The following LRRC7 variants were observed in gnomAD, a reference collection of about 807,000 sequenced individuals.
LRRC7 encodes the protein leucine-rich repeat-containing protein 7.
LRRC7 carries 23 observed loss-of-function variants against 175.7 expected under a neutral mutation model. The observed-to-expected ratio is 0.13, with a 90% CI of 0.09 to 0.19. The LOEUF (loss-of-function observed/expected upper bound fraction) is 0.19. Among genes scored for constraint, LRRC7 ranks in the 10% least tolerant of loss-of-function variants. The pLI, the probability that LRRC7 is intolerant of heterozygous loss-of-function variation, is 1.00. For synonymous variants in LRRC7, 685 were observed against 680.9 expected, an observed-to-expected ratio of 1.01 and a Z score of -0.09; for missense variants, 1,354 against 1,904.7, an observed-to-expected ratio of 0.71 and a Z score of 5.38.
At position 70,082,781 on chromosome 1, in the gene LRRC7, A is replaced by ATC. The variant is rs1553201466; in HGVS notation, c.4452+6484_4452+6485insCT. ...TATTAGTCAATCTTGATACCAGTACATTTTTTTTTTTTTTTTTTTTTTTTT... is the reference window on the plus strand; with the variant it reads ...TATTAGTCAATCTTGATACCAGTACATCTTTTTTTTTTTTTTTTTTTTTTTTT... On this transcript the variant is annotated intron_variant, in intron 24 of 26. Transcript: ENST00000651989. 6.7e-3 allele frequency among the ~76,000 whole-genome samples: 352 copies of ATC among 52,284 alleles called. 121 individuals carry two copies. Among genetic ancestry groups the ATC allele is most frequent in the Middle Eastern group, 0.026 (2 of 76 alleles). 34.3% of individuals were successfully genotyped at this position (52,284 alleles called of 152,430 possible).
At chr1:69,943,035 A>T (rs2101802841) in intron 8 of LRRC7, among the ~76,000 whole-genome samples, 1 of 152,268 alleles carries the variant, frequency 6.6e-6, no homozygotes, top group Non-Finnish European at 1.5e-5. Flanking sequence ...TATGTGGCCC[A>T]AGACAATTGT....
intron 7 of LRRC7, among the ~76,000 whole-genome samples, chr1:69,906,059 T>C (rs1646297799): frequency 6.6e-6 from 1 of 152,242 alleles, no homozygotes; most frequent in African/African-American, 2.4e-5. Flanking sequence ...ATGTCTTCTT[T>C]TCAGAAGTGT....
intron 7 of LRRC7, among the ~76,000 whole-genome samples, chr1:69,845,507 T>C (rs1402315402): frequency 6.6e-6 from 1 of 152,106 alleles, no homozygotes; most frequent in Non-Finnish European, 1.5e-5. Flanking sequence ...TATAATAGAT[T>C]TGTTATGTTT....
At chr1:70,005,443 T>C (rs1655918006) in intron 11 of LRRC7, among the ~76,000 whole-genome samples, 1 of 152,218 alleles carries the variant, frequency 6.6e-6, no homozygotes, top group Non-Finnish European at 1.5e-5. Context: ...CTTTCTTCCC[T>C]ATTAGCTAGG....
intron 2 of LRRC7, among the ~76,000 whole-genome samples, chr1:69,731,473 G>A (rs1394200048): frequency 6.6e-6 from 1 of 152,108 alleles, no homozygotes; most frequent in Non-Finnish European, 1.5e-5. Flanking sequence ...ACCATATCAA[G>A]TATAAACTTA....
At chr1:70,119,510 A>T (rs540524936) in intron 26 of LRRC7, among the ~76,000 whole-genome samples, 1 of 148,722 alleles carries the variant, frequency 6.7e-6, no homozygotes, top group South Asian at 2.2e-4. Context: ...AGTACAAAAC[A>T]GACATTCTTT....
intron 4 of LRRC7, among the ~76,000 whole-genome samples, chr1:69,806,760 A>G (rs956700032): frequency 6.6e-6 from 1 of 151,972 alleles, no homozygotes; most frequent in African/African-American, 2.4e-5. Context: ...TTGGTATTGA[A>G]CTTTCTTTTT....
Position 70,021,109 on chromosome 1 carries a change from G to C in LRRC7, c.1525G>C (p.Glu509Gln). The C allele has an allele frequency of 6.2e-7, 1 of 1,611,748 alleles. No individual in the cohort carries two copies. Residue 509 changes from glutamate to glutamine, a missense_variant, in exon 16 of 27, where the codon GAA becomes CAA. This residue lies in a region of LRRC7 where 1,032 missense variants were observed against 1,227.2 expected (regional missense o/e 0.84). Coordinates refer to ENST00000651989, the MANE Select transcript of LRRC7 (RefSeq NM_001370785.2). Reference protein sequence around the residue: ...FEFEDKKEDDENAGKVKDLSC... With the variant: ...FEFEDKKEDDQNAGKVKDLSC... ...ATTTGAAGACAAAAAAGAAGATGAC[G>C]AAAATGCTGGGAAAGTTAAGGTGAA...
intron 18 of LRRC7, among the ~76,000 whole-genome samples, chr1:70,031,595 AT>A (rs2102004785): frequency 6.6e-6 from 1 of 152,278 alleles, no homozygotes; most frequent in Admixed American, 6.5e-5. Flanking sequence ...AGAAAATAAT[AT>A]TTTTACCTTA....
intron 7 of LRRC7, among the ~76,000 whole-genome samples, chr1:69,903,696 T>C (rs1038278982): frequency 3.3e-5 from 5 of 152,144 alleles, no homozygotes; most frequent in African/African-American, 9.6e-5. Context: ...AAAAAACCCT[T>C]CAAAAAATCA....
intron 2 of LRRC7, 24 bp from the exon 3 acceptor site, chr1:69,760,167 T>C: frequency 6.2e-7 from 1 of 1,609,490 alleles, no homozygotes; most frequent in Non-Finnish European, 8.5e-7. Context: ...TGTTTTGTTT[T>C]GTTTTGTTTC....
intron 2 of LRRC7, among the ~76,000 whole-genome samples, chr1:69,734,077 A>G (rs1390840065): frequency 2.0e-5 from 3 of 152,160 alleles, no homozygotes; most frequent in Non-Finnish European, 2.9e-5. Flanking sequence ...GGAGTGTCAC[A>G]TATATTTATC....
At chr1:70,056,324 G>C (rs963859190) in intron 23 of LRRC7, among the ~76,000 whole-genome samples, 1 of 152,090 alleles carries the variant, frequency 6.6e-6, no homozygotes, top group African/African-American at 2.4e-5. Flanking sequence ...AATAATCAAA[G>C]ATTAGATCAA....
At chr1:69,582,078 T>G (rs1646223978) in intron 1 of LRRC7, among the ~76,000 whole-genome samples, 1 of 152,174 alleles carries the variant, frequency 6.6e-6, no homozygotes, top group South Asian at 2.1e-4. Flanking sequence ...TCTTCACATT[T>G]TTTTTCACTG....
intron 2 of LRRC7, among the ~76,000 whole-genome samples, chr1:69,687,520 C>CAAAAAAAAAAAAAAAAAAGAAA (rs1661313630): frequency 1.0e-5 from 1 of 96,894 alleles, no homozygotes; most frequent in Admixed American, 1.3e-4. Context: ...AAGAAAAAAC[C>CAAAAAAAAAAAAAAAAAAGAAA]AAAAAAAAAA....
chr1:69,926,175 A>T (rs1647066234), intron 7 of LRRC7, among the ~76,000 whole-genome samples: 1 of 146,116 alleles, frequency 6.8e-6, no homozygotes, highest in Non-Finnish European at 1.5e-5. Flanking sequence ...ACAGTTTGTT[A>T]TAATTTCCGT....
At chr1:69,799,264 A>G (rs1402238464) in intron 4 of LRRC7, among the ~76,000 whole-genome samples, 1 of 152,068 alleles carries the variant, frequency 6.6e-6, no homozygotes, top group Non-Finnish European at 1.5e-5. Context: ...GGTGCATACA[A>G]TGCATAGTGG....
chr1:69,620,779 A>G (rs1367048333), intron 1 of LRRC7, among the ~76,000 whole-genome samples: 2 of 152,164 alleles, frequency 1.3e-5, no homozygotes, highest in Non-Finnish European at 2.9e-5. Context: ...CCTGTCTTGT[A>G]AATATGTGTC....
At chr1:69,909,401 G>A (rs948403932) in intron 7 of LRRC7, among the ~76,000 whole-genome samples, 13 of 152,088 alleles carry the variant, frequency 8.5e-5, no homozygotes, top group African/African-American at 2.7e-4. Flanking sequence ...TTTTGCAGTG[G>A]CTGGTACCGG....
Sources: gnomAD v4.1 joint callset for allele counts (sites outside exome capture counted in the v4.1 genomes callset) on GRCh38, gnomAD v4.1.1 for gene constraint, gnomAD v4.1.1 regional missense constraint, MANE v1.5 for transcripts, NCBI Gene and HGNC (gene_info 2026-07-23, HGNC 2026-07-21) for gene names.